Variants in XNDC1N observed in about 807,000 individuals in gnomAD.
XNDC1N encodes the protein XRCC1 N-terminal domain containing 1, N-terminal like.
the XNDC1N span, among the ~76,000 whole-genome samples, chr11:71,912,114 C>T: frequency 1.3e-5 from 2 of 152,120 alleles, no homozygotes; most frequent in African/African-American, 4.8e-5. Context: ...TACATCTCAC[C>T]TTTGTCAGCC....
chr11:71,874,026 C>T, the XNDC1N span, among the ~76,000 whole-genome samples: 5 of 152,096 alleles, frequency 3.3e-5, no homozygotes, highest in Non-Finnish European at 5.9e-5. Context: ...ATTTAAGACA[C>T]ATTTTAGGCC....
the XNDC1N span, among the ~76,000 whole-genome samples, chr11:71,898,364 T>G: frequency 6.6e-6 from 1 of 152,046 alleles, no homozygotes; most frequent in East Asian, 1.9e-4. Context: ...CCCAGCACTT[T>G]GGGAGGCTGA....
At chr11:71,910,364 G>A in the XNDC1N span, among the ~76,000 whole-genome samples, 1 of 152,204 alleles carries the variant, frequency 6.6e-6, no homozygotes, top group African/African-American at 2.4e-5. Flanking sequence ...CCCCTGAGAG[G>A]CAGAAGCTGT....
the XNDC1N span, among the ~76,000 whole-genome samples, chr11:71,885,835 A>G: frequency 3.3e-5 from 5 of 151,952 alleles, no homozygotes; most frequent in Non-Finnish European, 7.4e-5. Flanking sequence ...AATAAGATCA[A>G]TATCAGTTAT....
chr11:71,910,369 A>G, the XNDC1N span, among the ~76,000 whole-genome samples: 1 of 152,204 alleles, frequency 6.6e-6, no homozygotes. Context: ...GAGAGGCAGA[A>G]GCTGTTTGCC....
chr11:71,898,308 C>T, the XNDC1N span, among the ~76,000 whole-genome samples: 1 of 152,166 alleles, frequency 6.6e-6, no homozygotes, highest in East Asian at 1.9e-4. Context: ...ATAAATAAAT[C>T]CCAAAAGGAT....
the XNDC1N span, chr11:71,884,418 A>C: frequency 1.9e-6 from 3 of 1,586,834 alleles, no homozygotes; most frequent in Non-Finnish European, 2.6e-6. Context: ...CAGAAGCTTC[A>C]CTTCTAATGA....
the XNDC1N span, among the ~76,000 whole-genome samples, chr11:71,888,112 G>A: frequency 5.3e-5 from 8 of 152,238 alleles, no homozygotes; most frequent in South Asian, 6.2e-4. Flanking sequence ...GACACCCCAC[G>A]GCAGTTGGGT....
chr11:71,913,531 C>T, the XNDC1N span, among the ~76,000 whole-genome samples: 225 of 151,960 alleles, frequency 1.5e-3, 2 homozygotes, highest in African/African-American at 4.1e-3. Context: ...TGGTGGTGTG[C>T]GCCTATAGTT....
chr11:71,901,207 A>G, the XNDC1N span, among the ~76,000 whole-genome samples: 1 of 152,168 alleles, frequency 6.6e-6, no homozygotes, highest in Non-Finnish European at 1.5e-5. Flanking sequence ...AGCAGTCATC[A>G]ATTCGGAGTT....
chr11:71,896,689 G>A, the XNDC1N span, among the ~76,000 whole-genome samples: 10 of 152,164 alleles, frequency 6.6e-5, no homozygotes, highest in Admixed American at 1.3e-4. Context: ...TCCACCTCCC[G>A]AGTAGCTGGG....
chr11:71,871,964 A>G, the XNDC1N span, among the ~76,000 whole-genome samples: 2 of 152,246 alleles, frequency 1.3e-5, no homozygotes, highest in Non-Finnish European at 2.9e-5. Context: ...TTTTCTTAAA[A>G]CTGATAAATA....
the XNDC1N span, among the ~76,000 whole-genome samples, chr11:71,910,331 C>T: frequency 1.3e-5 from 2 of 152,182 alleles, no homozygotes; most frequent in African/African-American, 4.8e-5. Flanking sequence ...ACCTGAAAGA[C>T]GTTTTCTTTC....
At chr11:71,915,176 C>T in the XNDC1N span, among the ~76,000 whole-genome samples, 25 of 152,146 alleles carry the variant, frequency 1.6e-4, no homozygotes, top group African/African-American at 4.1e-4. Flanking sequence ...TGGCCGGGCA[C>T]GGTGGCTCAC....
the XNDC1N span, chr11:71,894,299 T>G: frequency 2.4e-6 from 1 of 408,940 alleles, no homozygotes; most frequent in Admixed American, 3.2e-5. Context: ...GCGTCAGTGA[T>G]GTACGCTGTG....
At chr11:71,903,124 A>G in the XNDC1N span, 1 of 637,662 alleles carries the variant, frequency 1.6e-6, no homozygotes. Flanking sequence ...AATGCTGGGT[A>G]TTGGTTTACT....
At chr11:71,889,012 C>G in the XNDC1N span, among the ~76,000 whole-genome samples, 1 of 152,174 alleles carries the variant, frequency 6.6e-6, no homozygotes, top group South Asian at 2.1e-4. Flanking sequence ...GCAGCTTCTT[C>G]AACCCCCAAG....
chr11:71,872,320 G>C, the XNDC1N span, among the ~76,000 whole-genome samples: 1 of 152,180 alleles, frequency 6.6e-6, no homozygotes, highest in Non-Finnish European at 1.5e-5. Context: ...GTTGTTTTAA[G>C]CCACTACATT....
chr11:71,902,853 A>T, the XNDC1N span, among the ~76,000 whole-genome samples: 3 of 152,234 alleles, frequency 2.0e-5, no homozygotes, highest in African/African-American at 7.2e-5. Context: ...CTTTTATTAC[A>T]TCTTTTCCTT....
Sources: gnomAD v4.1 joint callset for allele counts (sites outside exome capture counted in the v4.1 genomes callset) on GRCh38, gnomAD v4.1.1 for gene constraint, MANE v1.5 for transcripts, NCBI Gene and HGNC (gene_info 2026-07-23, HGNC 2026-07-21) for gene names.